The following LRRTM4 variants were observed in gnomAD, a reference collection of about 807,000 sequenced individuals.
The protein encoded by LRRTM4 is leucine rich repeat transmembrane neuronal 4, also known as leucine-rich repeat transmembrane neuronal protein 4.
In LRRTM4, 25 loss-of-function variants were observed where a neutral mutation model predicts 47.6. The ratio of observed to expected loss-of-function variants is 0.53; its 90% CI spans 0.38 to 0.73. The LOEUF (loss-of-function observed/expected upper bound fraction) is 0.73, where lower values mean the gene tolerates loss of function less well. Ranked by LOEUF, LRRTM4 falls within the 30% of genes least tolerant of loss-of-function variation. The pLI is 0.00. For missense variants in LRRTM4, 638 were observed against 713.4 expected (o/e 0.89, Z 1.20); for synonymous variants, 311 against 269.5 (o/e 1.15, Z -1.51).
At chr2:77,012,077 TCAC>T (rs1677895129) in intron 3 of LRRTM4, among the ~76,000 whole-genome samples, 7 of 152,066 alleles carry the variant, frequency 4.6e-5, no homozygotes, top group Admixed American at 3.3e-4. Flanking sequence ...CTTTCAAATC[TCAC>T]GCAAAATGTT....
At chr2:77,412,126 G>A (rs941718268) in intron 3 of LRRTM4, among the ~76,000 whole-genome samples, 4 of 151,952 alleles carry the variant, frequency 2.6e-5, no homozygotes, top group African/African-American at 4.8e-5. Context: ...TGCATTATTC[G>A]TAAGGGCCTC....
intron 3 of LRRTM4, among the ~76,000 whole-genome samples, chr2:76,778,916 T>C (rs1402586665): frequency 1.3e-4 from 19 of 151,268 alleles, no homozygotes; most frequent in South Asian, 4.2e-4. Context: ...AAATTTCCCT[T>C]TACACACTGC....
At chr2:77,032,859 T>C (rs1678710998) in intron 3 of LRRTM4, among the ~76,000 whole-genome samples, 1 of 152,116 alleles carries the variant, frequency 6.6e-6, no homozygotes, top group Non-Finnish European at 1.5e-5. Context: ...CATGATTTCA[T>C]GGGAGTTTGT....
chr2:77,084,303 C>T (rs770247425), intron 3 of LRRTM4, among the ~76,000 whole-genome samples: 1 of 152,182 alleles, frequency 6.6e-6, no homozygotes, highest in Non-Finnish European at 1.5e-5. Context: ...TTGCAACCAT[C>T]TTGAACCCCG....
At chr2:77,039,354 C>A (rs1678949808) in intron 3 of LRRTM4, among the ~76,000 whole-genome samples, 1 of 148,864 alleles carries the variant, frequency 6.7e-6, no homozygotes. Context: ...GAAGGCAAAT[C>A]AGATGATAAT....
chr2:77,236,680 A>G (rs556994853), intron 3 of LRRTM4, among the ~76,000 whole-genome samples: 21 of 152,118 alleles, frequency 1.4e-4, no homozygotes, highest in African/African-American at 5.1e-4. Context: ...GGCTCTTATT[A>G]TTTTGAGGTA....
chr2:77,199,139 G>A (rs1292907302), intron 3 of LRRTM4, among the ~76,000 whole-genome samples: 2 of 151,992 alleles, frequency 1.3e-5, no homozygotes, highest in Non-Finnish European at 2.9e-5. Context: ...AATCTCTATA[G>A]GGACATTAAA....
chr2:76,789,500 G>A (rs891202286), intron 3 of LRRTM4, among the ~76,000 whole-genome samples: 12 of 152,162 alleles, frequency 7.9e-5, no homozygotes, highest in Admixed American at 7.9e-4. Context: ...CATGAATTAA[G>A]AGGAAAATTC....
intron 3 of LRRTM4, among the ~76,000 whole-genome samples, chr2:76,932,462 T>C (rs892056960): frequency 2.6e-5 from 4 of 152,000 alleles, no homozygotes; most frequent in African/African-American, 9.7e-5. Context: ...CAGGAGTGTT[T>C]AGCCAGTGGA....
At chr2:77,366,985 T>C (rs1404039722) in intron 3 of LRRTM4, among the ~76,000 whole-genome samples, 1 of 151,768 alleles carries the variant, frequency 6.6e-6, no homozygotes, top group African/African-American at 2.4e-5. Flanking sequence ...ACTTATTAAT[T>C]TGGGATTACC....
At chr2:77,323,293 G>A (rs182932944) in intron 3 of LRRTM4, among the ~76,000 whole-genome samples, 1 of 152,238 alleles carries the variant, frequency 6.6e-6, no homozygotes, top group Admixed American at 6.5e-5. Context: ...ACTGGAAAGA[G>A]GCCAGCATTT....
chr2:76,936,241 T>C (rs915991527), intron 3 of LRRTM4, among the ~76,000 whole-genome samples: 1 of 152,158 alleles, frequency 6.6e-6, no homozygotes, highest in Admixed American at 6.5e-5. Flanking sequence ...ATATATACCA[T>C]GGACTACTAT....
intron 3 of LRRTM4, among the ~76,000 whole-genome samples, chr2:77,095,798 C>T (rs1242269623): frequency 3.3e-5 from 5 of 152,112 alleles, no homozygotes; most frequent in African/African-American, 1.2e-4. Flanking sequence ...TAGGTGTAAG[C>T]CACTGTGCCT....
chr2:77,411,963 T>C (rs1674459403), intron 3 of LRRTM4, among the ~76,000 whole-genome samples: 1 of 152,146 alleles, frequency 6.6e-6, no homozygotes, highest in Non-Finnish European at 1.5e-5. Context: ...GCTTTCCTCT[T>C]GCTTCTCTCA....
intron 3 of LRRTM4, among the ~76,000 whole-genome samples, chr2:77,123,886 C>T (rs915959567): frequency 1.3e-4 from 20 of 152,054 alleles, no homozygotes; most frequent in African/African-American, 3.4e-4. Context: ...CTTCCTGGGA[C>T]GTTGGGAGGA....
chr2:77,106,523 G>T (rs914785731), intron 3 of LRRTM4, among the ~76,000 whole-genome samples: 1 of 151,528 alleles, frequency 6.6e-6, no homozygotes, highest in South Asian at 2.1e-4. Context: ...AGAAATACTG[G>T]AATTAAGTAA....
intron 3 of LRRTM4, among the ~76,000 whole-genome samples, chr2:77,426,844 CACAG>C (rs1349397556): frequency 2.0e-4 from 30 of 151,456 alleles, no homozygotes; most frequent in African/African-American, 5.8e-4. Context: ...CACACACACA[CACAG>C]AGAGAGAGAG....
chr2:77,430,274 T>A (rs935851563), intron 3 of LRRTM4, among the ~76,000 whole-genome samples: 2 of 152,244 alleles, frequency 1.3e-5, no homozygotes. Context: ...CATATATTTT[T>A]ATCTGTCAAT....
intron 3 of LRRTM4, among the ~76,000 whole-genome samples, chr2:76,767,115 C>A (rs752461615): frequency 1.1e-4 from 16 of 152,154 alleles, no homozygotes; most frequent in Non-Finnish European, 1.9e-4. Flanking sequence ...CTTAACACTA[C>A]TCCTATTTCT....
Sources: allele counts gnomAD v4.1 joint callset (sites outside exome capture counted in the v4.1 genomes callset), GRCh38; gene constraint gnomAD v4.1.1; transcripts MANE v1.5; gene names NCBI Gene and HGNC (gene_info 2026-07-23, HGNC 2026-07-21).